Variants in PTPRD observed in about 807,000 individuals in gnomAD.
PTPRD encodes the protein receptor-type tyrosine-protein phosphatase delta.
Under a neutral mutation model 214.5 loss-of-function variants are expected in PTPRD, and 34 were observed. That is an observed-to-expected ratio of 0.16 (90% CI 0.12 to 0.21). PTPRD has a LOEUF of 0.21. PTPRD is among the 10% of genes least tolerant of loss of function. The probability of loss-of-function intolerance (pLI) is 1.00; values close to 1 mark genes in which losing one functional copy is unlikely to be tolerated. For missense variants in PTPRD, 2,545 were observed against 2,398.7 expected (o/e 1.06, Z -1.27); for synonymous variants, 1,128 against 845.7 (o/e 1.33, Z -5.79).
chr9:8,840,129 C>G (rs1055801140), intron 11 of PTPRD, among the ~76,000 whole-genome samples: 1 of 152,076 alleles, frequency 6.6e-6, no homozygotes, highest in African/African-American at 2.4e-5. Context: ...CATCAGTATC[C>G]CTTTACAACA....
At chr9:8,764,037 T>G (rs2094560841) in intron 11 of PTPRD, among the ~76,000 whole-genome samples, 1 of 152,190 alleles carries the variant, frequency 6.6e-6, no homozygotes, top group Admixed American at 6.5e-5. Flanking sequence ...AATGCAAATA[T>G]TATAAGTGAA....
At chr9:10,166,266 T>TCA (rs2099158493) in intron 3 of PTPRD, among the ~76,000 whole-genome samples, 1 of 148,080 alleles carries the variant, frequency 6.8e-6, no homozygotes, top group Admixed American at 6.7e-5. Flanking sequence ...AACAAAACAC[T>TCA]CACACTGTGA....
intron 33 of PTPRD, chr9:8,454,501 CCCTCTT>C: frequency 6.7e-7 from 1 of 1,498,196 alleles, no homozygotes; most frequent in Non-Finnish European, 9.2e-7. Context: ...CCCCGCCCTC[CCCTCTT>C]CAACAACTCT....
chr9:9,495,304 T>C (rs1159022009), intron 8 of PTPRD, among the ~76,000 whole-genome samples: 1 of 141,370 alleles, frequency 7.1e-6, no homozygotes, highest in African/African-American at 2.7e-5. Flanking sequence ...AATCCCACCT[T>C]CAAGCCAAAA....
chr9:8,354,484 T>C (rs1006670689), intron 39 of PTPRD, among the ~76,000 whole-genome samples: 1 of 152,230 alleles, frequency 6.6e-6, no homozygotes, highest in African/African-American at 2.4e-5. Flanking sequence ...CTGAATTTTC[T>C]TCTAATCTGC....
intron 8 of PTPRD, among the ~76,000 whole-genome samples, chr9:9,551,197 T>C (rs2080141624): frequency 6.6e-6 from 1 of 152,014 alleles, no homozygotes; most frequent in African/African-American, 2.4e-5. Flanking sequence ...TTTATAGTGA[T>C]AATCAACCTG....
At chr9:9,586,619 C>G (rs2092013072) in intron 7 of PTPRD, among the ~76,000 whole-genome samples, 1 of 151,810 alleles carries the variant, frequency 6.6e-6, no homozygotes, top group Admixed American at 6.6e-5. Flanking sequence ...AATTAAATAC[C>G]ATTTTTAAAA....
intron 10 of PTPRD, among the ~76,000 whole-genome samples, chr9:9,047,540 A>G (rs1328476635): frequency 1.3e-5 from 2 of 152,128 alleles, no homozygotes; most frequent in African/African-American, 4.8e-5. Context: ...GTACTGGCAT[A>G]AAAACAGACA....
At chr9:10,464,589 C>T (rs1275838348) in intron 2 of PTPRD, among the ~76,000 whole-genome samples, 2 of 151,734 alleles carry the variant, frequency 1.3e-5, no homozygotes, top group Admixed American at 6.6e-5. Flanking sequence ...TAAGGTACAC[C>T]CCTATATCAC....
chr9:8,985,538 CTAAA>C (rs2099338198), intron 11 of PTPRD, among the ~76,000 whole-genome samples: 1 of 151,664 alleles, frequency 6.6e-6, no homozygotes, highest in Admixed American at 6.6e-5. Context: ...TCCAACAATT[CTAAA>C]TACAGTATGG....
At chr9:9,119,377 T>C (rs548805537) in intron 10 of PTPRD, among the ~76,000 whole-genome samples, 1 of 152,290 alleles carries the variant, frequency 6.6e-6, no homozygotes, top group African/African-American at 2.4e-5. Context: ...GGTGAGGAGA[T>C]AACTCTTTGG....
chr9:9,389,446 G>T (rs553051490), intron 9 of PTPRD, among the ~76,000 whole-genome samples: 2 of 152,164 alleles, frequency 1.3e-5, no homozygotes, highest in East Asian at 3.9e-4. Context: ...GGAGGCAGAG[G>T]TTGTGGTGAG....
chr9:8,524,704 C>T (rs1289505103), intron 18 of PTPRD: 1 of 642,582 alleles, frequency 1.6e-6, no homozygotes, highest in Admixed American at 2.6e-5. Flanking sequence ...AATATACTTA[C>T]AAACTCCAAG....
intron 7 of PTPRD, among the ~76,000 whole-genome samples, chr9:9,658,584 C>T (rs555386559): frequency 1.1e-4 from 17 of 152,072 alleles, no homozygotes; most frequent in Admixed American, 2.0e-4. Flanking sequence ...TTGTGAGATC[C>T]CTTCATTGTT....
chr9:8,499,870 T>C (rs763712509), intron 24 of PTPRD, 30 bp from the exon 25 acceptor site: 1 of 1,573,456 alleles, frequency 6.4e-7, no homozygotes, highest in South Asian at 1.2e-5. Flanking sequence ...TAAAAGAAAT[T>C]ATAGGCACTT....
At chr9:10,096,522 C>A (rs1456840140) in intron 3 of PTPRD, among the ~76,000 whole-genome samples, 8 of 151,996 alleles carry the variant, frequency 5.3e-5, no homozygotes, top group East Asian at 2.0e-4. Flanking sequence ...TGTCTTTTGG[C>A]TGCATAAATG....
At chr9:9,133,166 G>A (rs1253159580) in intron 10 of PTPRD, among the ~76,000 whole-genome samples, 1 of 152,140 alleles carries the variant, frequency 6.6e-6, no homozygotes, top group African/African-American at 2.4e-5. Context: ...TGCATGTTAA[G>A]TACAGATTCC....
intron 3 of PTPRD, among the ~76,000 whole-genome samples, chr9:10,172,845 T>C (rs1027303562): frequency 1.3e-5 from 2 of 152,310 alleles, no homozygotes; most frequent in East Asian, 3.9e-4. Context: ...GAAATGTATA[T>C]GGAATCAAAG....
At chr9:10,040,730 A>G (rs146863504) in intron 3 of PTPRD, among the ~76,000 whole-genome samples, 2 of 152,218 alleles carry the variant, frequency 1.3e-5, no homozygotes, top group African/African-American at 4.8e-5. Flanking sequence ...AGAGAGAAAC[A>G]ATGAAAGAAT....
Sources: allele counts gnomAD v4.1 joint callset (sites outside exome capture counted in the v4.1 genomes callset), GRCh38; gene constraint gnomAD v4.1.1; transcripts MANE v1.5; gene names NCBI Gene and HGNC (gene_info 2026-07-23, HGNC 2026-07-21).